CDH12: variants seen among roughly 807,000 people sequenced by gnomAD.
The protein encoded by CDH12 is cadherin 12.
CDH12 carries 41 observed loss-of-function variants against 74.1 expected under a neutral mutation model. The observed-to-expected ratio is 0.55, with a 90% CI of 0.43 to 0.72. CDH12 has a LOEUF of 0.72. CDH12 is among the 30% of genes least tolerant of loss of function. The probability of loss-of-function intolerance (pLI) is 0.00; values close to 1 mark genes in which losing one functional copy is unlikely to be tolerated. For missense variants in CDH12, 945 were observed against 977.2 expected (o/e 0.97, Z 0.44); for synonymous variants, 399 against 355.0 (o/e 1.12, Z -1.39).
chr5:22,301,601 C>T (rs529389043), intron 3 of CDH12, among the ~76,000 whole-genome samples: 3 of 151,926 alleles, frequency 2.0e-5, no homozygotes, highest in Admixed American at 2.0e-4. Context: ...TTAGTAACCA[C>T]CTAAAACAAA....
intron 3 of CDH12, among the ~76,000 whole-genome samples, chr5:22,381,031 G>T (rs1741738448): frequency 6.6e-6 from 1 of 151,988 alleles, no homozygotes; most frequent in Non-Finnish European, 1.5e-5. Flanking sequence ...TTTTCTCTCT[G>T]TGATAATAAA....
chr5:22,750,917 GAAA>G (rs34040056), intron 1 of CDH12, among the ~76,000 whole-genome samples: 1 of 141,014 alleles, frequency 7.1e-6, no homozygotes. Context: ...AAATCATAGT[GAAA>G]AAAAAAAAAG....
At chr5:21,982,739 G>C (rs1240990678) in intron 5 of CDH12, among the ~76,000 whole-genome samples, 1 of 151,582 alleles carries the variant, frequency 6.6e-6, no homozygotes, top group African/African-American at 2.4e-5. Flanking sequence ...ATCAGTTGAT[G>C]CTAAAACATT....
At chr5:22,243,380 G>C (rs1752816103) in intron 3 of CDH12, among the ~76,000 whole-genome samples, 1 of 152,028 alleles carries the variant, frequency 6.6e-6, no homozygotes, top group Admixed American at 6.6e-5. Flanking sequence ...AAGAGATTAA[G>C]AGTAAATATA....
intron 1 of CDH12, among the ~76,000 whole-genome samples, chr5:22,629,578 C>G (rs1738473860): frequency 6.6e-6 from 1 of 151,926 alleles, no homozygotes; most frequent in African/African-American, 2.4e-5. Flanking sequence ...TGTTAACAAC[C>G]TTCAACCAAC....
intron 6 of CDH12, among the ~76,000 whole-genome samples, chr5:21,858,706 A>G (rs993175290): frequency 2.0e-5 from 3 of 151,950 alleles, no homozygotes; most frequent in African/African-American, 4.8e-5. Context: ...GAAATCTTAT[A>G]TCTTATCTAA....
chr5:22,734,310 G>T (rs1744577730), intron 1 of CDH12, among the ~76,000 whole-genome samples: 1 of 151,746 alleles, frequency 6.6e-6, no homozygotes, highest in Non-Finnish European at 1.5e-5. Flanking sequence ...ATCATTTGTT[G>T]ACATCTGATT....
chr5:22,748,759 T>C (rs1326643054), intron 1 of CDH12, among the ~76,000 whole-genome samples: 3 of 152,210 alleles, frequency 2.0e-5, no homozygotes, highest in Non-Finnish European at 4.4e-5. Flanking sequence ...AAGTTTATTA[T>C]GGTAAATGCC....
chr5:22,405,910 C>A (rs920747531), intron 2 of CDH12, among the ~76,000 whole-genome samples: 24 of 152,140 alleles, frequency 1.6e-4, no homozygotes, highest in African/African-American at 5.8e-4. Flanking sequence ...TACTTTAAAT[C>A]ATCTCTAGAT....
In CDH12 at chr5:22,052,453, T is replaced by C. The variant is rs1740440129; in HGVS notation, c.231+25993A>G. ...CTGCCTCCCTCTAATCCCCTGTTCATGCTGCCACTTAAGCACTTGTGTAGA... is the reference window on the plus strand; with the variant it reads ...CTGCCTCCCTCTAATCCCCTGTTCACGCTGCCACTTAAGCACTTGTGTAGA... On this transcript the variant is annotated intron_variant, in intron 5 of 14. Coordinates refer to ENST00000382254, the MANE Select transcript of CDH12 (RefSeq NM_004061.5). 1.3e-5 allele frequency among the ~76,000 whole-genome samples: 2 copies of C among 152,172 alleles called. 1 individual carries two copies. The highest frequency in any genetic ancestry group is 4.1e-4 in the South Asian group (2 of 4,830).
At position 21,943,585 on chromosome 5, in the gene CDH12, G is replaced by A. The variant is rs4028793; in HGVS notation, c.526+31506C>T. Among the ~76,000 whole-genome samples the A allele has an allele frequency of 8.7e-4, 133 of 152,074 alleles. 1 individual carries two copies. Among genetic ancestry groups the A allele is most frequent in the Non-Finnish European group, 1.5e-3 (102 of 67,978 alleles). ...GTGCCATTACATTAGGATTACATAC[G>A]GGTACTACACACTCAGTTGTGTAGG... On this transcript the variant is annotated intron_variant, in intron 6 of 14. Transcript: ENST00000382254.
At chr5:22,273,868 T>C (rs1736512045) in intron 3 of CDH12, among the ~76,000 whole-genome samples, 1 of 152,162 alleles carries the variant, frequency 6.6e-6, no homozygotes, top group African/African-American at 2.4e-5. Context: ...AACAGAAATC[T>C]ATAGAGAAGC....
chr5:22,074,297 T>A (rs189332173), intron 5 of CDH12, among the ~76,000 whole-genome samples: 2 of 152,134 alleles, frequency 1.3e-5, no homozygotes, highest in Non-Finnish European at 2.9e-5. Flanking sequence ...CCTTACACCT[T>A]ATACAAAAGT....
At chr5:22,721,926 C>G (rs1310363916) in intron 1 of CDH12, among the ~76,000 whole-genome samples, 1 of 152,154 alleles carries the variant, frequency 6.6e-6, no homozygotes, top group Non-Finnish European at 1.5e-5. Context: ...TGATGCCTCC[C>G]CAGCCATGCA....
chr5:21,891,676 G>C (rs1357930577), intron 6 of CDH12, among the ~76,000 whole-genome samples: 1 of 151,818 alleles, frequency 6.6e-6, no homozygotes, highest in Non-Finnish European at 1.5e-5. Context: ...TGGATTAAGT[G>C]TTTGGATGTA....
At chr5:22,061,638 A>T (rs1200634772) in intron 5 of CDH12, among the ~76,000 whole-genome samples, 1 of 152,152 alleles carries the variant, frequency 6.6e-6, no homozygotes, top group Admixed American at 6.6e-5. Flanking sequence ...ATAATATACA[A>T]ATTGTAGAAT....
In CDH12 at chr5:22,267,126, T is replaced by G. The variant is rs1196149605; in HGVS notation, c.-332-54483A>C. Reference sequence around the variant, plus strand: ...TTCCCTAGTGTATTCAAAGCTCTTTTGCTTTACAGTTATCTTAGGGCTATT... The same window carrying G: ...TTCCCTAGTGTATTCAAAGCTCTTTGGCTTTACAGTTATCTTAGGGCTATT... On this transcript the variant is annotated intron_variant, in intron 3 of 14. Coordinates refer to ENST00000382254, the MANE Select transcript of CDH12 (RefSeq NM_004061.5). 2.0e-5 allele frequency among the ~76,000 whole-genome samples: 3 copies of G among 152,198 alleles called. 1 individual carries two copies.
At chr5:22,266,351 G>A (rs908964593) in intron 3 of CDH12, among the ~76,000 whole-genome samples, 3 of 152,010 alleles carry the variant, frequency 2.0e-5, no homozygotes, top group African/African-American at 4.8e-5. Flanking sequence ...GGGATTACAG[G>A]TGTGAGCCAC....
intron 1 of CDH12, among the ~76,000 whole-genome samples, chr5:22,815,769 C>CAAAAAAAAAAAAAAAAAAAA (rs34135797): frequency 1.0e-5 from 1 of 97,084 alleles, no homozygotes; most frequent in Non-Finnish European, 2.0e-5. Context: ...GACTCCGTCT[C>CAAAAAAAAAAAAAAAAAAAA]AAAAAAAAAA....
Sources: gnomAD v4.1 joint callset for allele counts (sites outside exome capture counted in the v4.1 genomes callset) on GRCh38, gnomAD v4.1.1 for gene constraint, MANE v1.5 for transcripts, NCBI Gene and HGNC (gene_info 2026-07-23, HGNC 2026-07-21) for gene names.